SLC4A4: variants seen among roughly 807,000 people sequenced by gnomAD.
SLC4A4 encodes the protein solute carrier family 4 member 4.
Under a neutral mutation model 111.5 loss-of-function variants are expected in SLC4A4, and 27 were observed. That is an observed-to-expected ratio of 0.24 (90% confidence interval 0.18 to 0.33). The LOEUF (loss-of-function observed/expected upper bound fraction) is 0.33. Ranked by LOEUF, SLC4A4 falls within the 10% of genes least tolerant of loss-of-function variation. The pLI is 1.00. For synonymous variants in SLC4A4, 443 were observed against 463.4 expected (o/e 0.96, Z 0.57); for missense variants, 909 against 1,315.5 (o/e 0.69, Z 4.78).
intron 15 of SLC4A4, among the ~76,000 whole-genome samples, chr4:71,494,767 G>A (rs538137757): frequency 1.3e-5 from 2 of 152,126 alleles, no homozygotes; most frequent in African/African-American, 4.8e-5. Context: ...CCTGTATTAA[G>A]GCCAGAGGAG....
chr4:71,205,319 A>G (rs1717682442), intron 1 of SLC4A4, among the ~76,000 whole-genome samples: 2 of 152,166 alleles, frequency 1.3e-5, no homozygotes, highest in South Asian at 4.1e-4. Context: ...TATGGTGATT[A>G]TTTCTGATGA....
At chr4:71,333,438 A>T (rs1728180141) in intron 3 of SLC4A4, among the ~76,000 whole-genome samples, 1 of 152,218 alleles carries the variant, frequency 6.6e-6, no homozygotes, top group South Asian at 2.1e-4. Context: ...GTGTGACTCA[A>T]GTACCCCTGT....
At chr4:71,177,264 C>T (rs1745124835) in intron 2 of SLC4A4, among the ~76,000 whole-genome samples, 2 of 152,148 alleles carry the variant, frequency 1.3e-5, no homozygotes, top group Admixed American at 1.3e-4. Flanking sequence ...GAAGAAACTG[C>T]ATCAAATAAC....
At chr4:71,364,298 C>A (rs2148922811) in intron 6 of SLC4A4, among the ~76,000 whole-genome samples, 1 of 152,218 alleles carries the variant, frequency 6.6e-6, no homozygotes, top group African/African-American at 2.4e-5. Flanking sequence ...GTTTTTATAT[C>A]TGTAAAATAA....
At chr4:71,493,520 T>C (rs530679532) in intron 15 of SLC4A4, among the ~76,000 whole-genome samples, 122 of 152,132 alleles carry the variant, frequency 8.0e-4, no homozygotes, top group African/African-American at 2.6e-3. Flanking sequence ...TGCTCTGCTC[T>C]TTTCTTTTTT....
intron 3 of SLC4A4, among the ~76,000 whole-genome samples, chr4:71,311,311 C>T (rs1415691608): frequency 1.3e-5 from 2 of 152,140 alleles, no homozygotes; most frequent in African/African-American, 2.4e-5. Flanking sequence ...CAAGGATATT[C>T]ACAACTTGAA....
chr4:71,177,505 C>CA (rs1169573492), intron 2 of SLC4A4, among the ~76,000 whole-genome samples: 5 of 151,590 alleles, frequency 3.3e-5, no homozygotes, highest in African/African-American at 4.8e-5. Flanking sequence ...AAATGGAAAA[C>CA]AAAAAAAGGC....
chr4:71,146,159 A>G (rs947098693), intron 2 of SLC4A4, among the ~76,000 whole-genome samples: 2 of 152,036 alleles, frequency 1.3e-5, no homozygotes, highest in African/African-American at 2.4e-5. Context: ...CTTTGTTCTC[A>G]TTGGTTTCAA....
intron 1 of SLC4A4, among the ~76,000 whole-genome samples, chr4:71,214,794 G>A (rs993535867): frequency 6.6e-6 from 1 of 152,212 alleles, no homozygotes; most frequent in East Asian, 1.9e-4. Context: ...CTTGGGCTCT[G>A]CCTGGCCCTG....
rs141961031 is a variant in SLC4A4, at chr4:71,131,818, G to C, written c.-2+39026G>C. On this transcript the variant is annotated intron_variant, in intron 2 of 26. Transcript: ENST00000649996. Reference sequence around the variant, plus strand: ...CTAATCTGAGTGTGTCTGGAGTCCCGAGCCCATGAGATCGGGACAAGCTCT... The same window carrying C: ...CTAATCTGAGTGTGTCTGGAGTCCCCAGCCCATGAGATCGGGACAAGCTCT... Among the ~76,000 whole-genome samples, 35 of 152,144 alleles carry C rather than the reference G, an allele frequency of 2.3e-4. No individual in the cohort carries two copies. The South Asian group carries it at 5.6e-3, about 24-fold the overall frequency.
In SLC4A4 at chr4:71,116,742, G is replaced by A. The variant is rs201114605; in HGVS notation, c.-2+23950G>A. 2.6e-5 allele frequency among the ~76,000 whole-genome samples: 4 copies of A among 152,222 alleles called. No individual in the cohort carries two copies. The East Asian group carries it at 5.8e-4, about 22-fold the overall frequency. Reference sequence around the variant, plus strand: ...GTGGATCACCTGAGGTTGCGAGTTCGAGACCAGCCTGACCAACATGGAGAA... The same window carrying A: ...GTGGATCACCTGAGGTTGCGAGTTCAAGACCAGCCTGACCAACATGGAGAA... On this transcript the variant is annotated intron_variant, in intron 2 of 26. Transcript: ENST00000649996.
chr4:71,317,131 T>A (rs1027956375), intron 3 of SLC4A4, among the ~76,000 whole-genome samples: 3 of 151,816 alleles, frequency 2.0e-5, no homozygotes, highest in Admixed American at 2.0e-4. Flanking sequence ...TTTATTCGTA[T>A]TTTTCTAGTG....
intron 6 of SLC4A4, among the ~76,000 whole-genome samples, chr4:71,360,742 T>C (rs1730701464): frequency 6.6e-6 from 1 of 152,180 alleles, no homozygotes; most frequent in African/African-American, 2.4e-5. Flanking sequence ...TGTATGAGAA[T>C]CAACTAACTA....
chr4:71,333,874 T>G (rs1406297637), intron 3 of SLC4A4, among the ~76,000 whole-genome samples: 1 of 141,846 alleles, frequency 7.0e-6, no homozygotes, highest in African/African-American at 2.5e-5. Context: ...CAGCTTATGG[T>G]GAATGCTGCC....
intron 6 of SLC4A4, among the ~76,000 whole-genome samples, chr4:71,381,020 C>T (rs145628256): frequency 6.6e-6 from 1 of 152,128 alleles, no homozygotes; most frequent in East Asian, 1.9e-4. Context: ...TCTTATCAAT[C>T]CCAGGAAACA....
intron 9 of SLC4A4, among the ~76,000 whole-genome samples, chr4:71,448,202 C>T (rs1725412544): frequency 6.6e-6 from 1 of 151,720 alleles, no homozygotes; most frequent in African/African-American, 2.4e-5. Flanking sequence ...TGCCTGTAAT[C>T]CCAGCTACTC....
At chr4:71,430,447 CA>C (rs201847449) in intron 7 of SLC4A4, among the ~76,000 whole-genome samples, 15 of 150,644 alleles carry the variant, frequency 1.0e-4, no homozygotes, top group South Asian at 2.1e-4. Flanking sequence ...CTAAAGTTTC[CA>C]AAAAAAAATC....
At position 71,128,525 on chromosome 4, in the gene SLC4A4, G is replaced by A. The variant is rs148711285; in HGVS notation, c.-2+35733G>A. Reference sequence around the variant, plus strand: ...TTTTTCCTAAGATGGGTCTCACTCTGTTGCCCAGGCTGGAGTGGAGTGGCA... The same window carrying A: ...TTTTTCCTAAGATGGGTCTCACTCTATTGCCCAGGCTGGAGTGGAGTGGCA... On this transcript the variant is annotated intron_variant, in intron 2 of 26. Transcript: ENST00000649996. 4.6e-3 allele frequency among the ~76,000 whole-genome samples: 707 copies of A among 152,268 alleles called. 1 individual carries two copies. The highest frequency in any genetic ancestry group is 7.4e-3 in the Non-Finnish European group (506 of 68,016).
intron 6 of SLC4A4, among the ~76,000 whole-genome samples, chr4:71,384,416 T>G (rs1444718079): frequency 6.6e-6 from 1 of 152,170 alleles, no homozygotes; most frequent in Non-Finnish European, 1.5e-5. Context: ...TGTCCTATAG[T>G]CATTGATTGC....
Sources: gnomAD v4.1 joint callset for allele counts (sites outside exome capture counted in the v4.1 genomes callset) on GRCh38, gnomAD v4.1.1 for gene constraint, MANE v1.5 for transcripts, NCBI Gene and HGNC (gene_info 2026-07-23, HGNC 2026-07-21) for gene names.